RPTOR: variants seen among roughly 807,000 people sequenced by gnomAD.
RPTOR encodes regulatory-associated protein of mTOR.
RPTOR carries 21 observed loss-of-function variants against 169.9 expected under a neutral mutation model. That is an observed-to-expected ratio of 0.12 (90% CI 0.09 to 0.18). The LOEUF is 0.18. Ranked by LOEUF, RPTOR falls within the 10% of genes least tolerant of loss-of-function variation. The pLI is 1.00. For synonymous variants in RPTOR, 732 were observed against 753.2 expected (o/e 0.97, Z 0.46); for missense variants, 1,133 against 1,855.9 (o/e 0.61, Z 7.16).
chr17:80,630,758 A>G (rs1426040313), intron 2 of RPTOR, among the ~76,000 whole-genome samples: 1 of 152,244 alleles, frequency 6.6e-6, no homozygotes, highest in African/African-American at 2.4e-5. Flanking sequence ...GGGTGGGTAC[A>G]GGCAGGCCAG....
intron 11 of RPTOR, among the ~76,000 whole-genome samples, chr17:80,847,399 G>C (rs1197067341): frequency 1.3e-5 from 2 of 152,356 alleles, no homozygotes; most frequent in Admixed American, 1.3e-4. Flanking sequence ...CTTTTGTTTC[G>C]GTGAATGTGT....
chr17:80,762,114 C>A (rs1800616276), intron 6 of RPTOR, among the ~76,000 whole-genome samples: 1 of 152,146 alleles, frequency 6.6e-6, no homozygotes, highest in South Asian at 2.1e-4. Flanking sequence ...TTGACATATA[C>A]TCAATTAAGA....
intron 13 of RPTOR, among the ~76,000 whole-genome samples, chr17:80,875,106 G>T (rs948811808): frequency 6.6e-6 from 1 of 152,218 alleles, no homozygotes; most frequent in Non-Finnish European, 1.5e-5. Context: ...TAATTCTTGT[G>T]TTCCTGCTTC....
At chr17:80,600,866 G>GT in intron 1 of RPTOR, among the ~76,000 whole-genome samples, 1 of 75,684 alleles carries the variant, frequency 1.3e-5, no homozygotes, top group Non-Finnish European at 3.1e-5. Flanking sequence ...CGCCGCACGT[G>GT]CCCTCTCTGC....
rs115563657 is a variant in RPTOR at position 80,653,547 on chromosome 17, G to T, written c.348+9737G>T. Among the ~76,000 whole-genome samples, 984 of 152,338 alleles carry T rather than the reference G, an allele frequency of 6.5e-3. 16 individuals are homozygous for T. The highest frequency in any genetic ancestry group is 0.022 in the African/African-American group (931 of 41,572). ...GAGTGTATGTCGGGAGAAAGCTCCT[G>T]TCGGGGTGAGTGCAGGCAGAGTGGC... On this transcript the variant is annotated intron_variant, in intron 3 of 33. Coordinates refer to ENST00000306801, the MANE Select transcript of RPTOR (RefSeq NM_020761.3).
intron 6 of RPTOR, 108 bp from the exon 7 acceptor site, chr17:80,791,342 T>C: frequency 1.2e-6 from 1 of 837,050 alleles, no homozygotes; most frequent in Non-Finnish European, 1.9e-6. Flanking sequence ...TTGTTCACCG[T>C]GGTAGTCCCT....
intron 1 of RPTOR, among the ~76,000 whole-genome samples, chr17:80,614,698 T>G (rs2065295930): frequency 6.6e-6 from 1 of 152,222 alleles, no homozygotes; most frequent in South Asian, 2.1e-4. Context: ...AGAAACCATC[T>G]CACTGCTCAG....
intron 1 of RPTOR, among the ~76,000 whole-genome samples, chr17:80,591,310 CTTCT>C (rs1266813769): frequency 1.4e-5 from 2 of 140,758 alleles, no homozygotes; most frequent in African/African-American, 2.7e-5. Flanking sequence ...CCCTCCTCTC[CTTCT>C]TTCTTTTCTT....
At position 80,870,787 on chromosome 17, in the gene RPTOR, G is replaced by A. The variant is rs553932493; in HGVS notation, c.1510-9628G>A. 2.5e-3 allele frequency among the ~76,000 whole-genome samples: 384 copies of A among 152,304 alleles called. 1 individual carries two copies. The highest frequency in any genetic ancestry group is 8.9e-3 in the African/African-American group (368 of 41,562). On this transcript the variant is annotated intron_variant, in intron 13 of 33. Coordinates refer to ENST00000306801, the MANE Select transcript of RPTOR (RefSeq NM_020761.3). ...ACAGTTTTAGATTTACAGAAAACTG[G>A]AAAAGGTAGTAAATAGAGTTCTCAT...
chr17:80,897,485 A>G (rs1470123520), intron 20 of RPTOR, among the ~76,000 whole-genome samples: 1 of 152,060 alleles, frequency 6.6e-6, no homozygotes, highest in Non-Finnish European at 1.5e-5. Flanking sequence ...CTTTGAATGT[A>G]TTTTCTGCAT....
chr17:80,650,550 GT>G (rs2065632366), intron 3 of RPTOR, among the ~76,000 whole-genome samples: 1 of 152,198 alleles, frequency 6.6e-6, no homozygotes. Context: ...ATGCGAACTG[GT>G]TTAGTTCTGG....
At chr17:80,881,344 A>G (rs1231278564) in intron 14 of RPTOR, among the ~76,000 whole-genome samples, 1 of 152,268 alleles carries the variant, frequency 6.6e-6, no homozygotes, top group Non-Finnish European at 1.5e-5. Context: ...GATACTTTGT[A>G]TCAGTTTTGG....
intron 3 of RPTOR, among the ~76,000 whole-genome samples, chr17:80,685,182 A>ATTCAGGGGCGCACCTCATTCGGAGTCG (rs1567856228): frequency 7.8e-6 from 1 of 127,912 alleles, no homozygotes; most frequent in African/African-American, 3.7e-5. Context: ...ATTCGGAGTC[A>ATTCAGGGGCGCACCTCATTCGGAGTCG]CCCCTCATTC....
chr17:80,931,512 C>T (rs748412189), intron 24 of RPTOR, among the ~76,000 whole-genome samples: 1 of 152,210 alleles, frequency 6.6e-6, no homozygotes, highest in Non-Finnish European at 1.5e-5. Context: ...AGGTGGGACA[C>T]GAGAAGAGCC....
chr17:80,742,615 ACATACACACG>A (rs2066493319), intron 5 of RPTOR, among the ~76,000 whole-genome samples: 2 of 151,484 alleles, frequency 1.3e-5, no homozygotes, highest in African/African-American at 2.4e-5. Context: ...GATGCCACAC[ACATACACACG>A]CACATATACA....
Position 80,923,650 on chromosome 17 carries a change from A to G in RPTOR, c.2785A>G (p.Met929Val). 6.2e-7 allele frequency: 1 copy of G among 1,606,260 alleles called. No individual in the cohort carries two copies. Among genetic ancestry groups the G allele is most frequent in the Non-Finnish European group, 8.5e-7 (1 of 1,174,788 alleles). Reference protein sequence around the residue: ...HSHQFPRTRKMFDKGPEQTAD... With the variant: ...HSHQFPRTRKVFDKGPEQTAD... ...CCACCAGTTCCCCCGGACACGGAAG[A>G]TGTTCGACAAGGGCCCAGAGCAGGT... Residue 929 changes from methionine to valine, a missense_variant, in exon 23 of 34, where the codon ATG becomes GTG. Physicochemically the swap from Met to Val is conservative, Grantham distance 21. Coordinates refer to ENST00000306801, the MANE Select transcript of RPTOR (RefSeq NM_020761.3).
At chr17:80,596,171 T>G (rs2065143179) in intron 1 of RPTOR, among the ~76,000 whole-genome samples, 1 of 145,470 alleles carries the variant, frequency 6.9e-6, no homozygotes, top group Non-Finnish European at 1.6e-5. Flanking sequence ...ACATTTTATT[T>G]TAAGAAAATT....
At chr17:80,835,495 A>G (rs1346359688) in intron 9 of RPTOR, among the ~76,000 whole-genome samples, 1 of 152,220 alleles carries the variant, frequency 6.6e-6, no homozygotes, top group African/African-American at 2.4e-5. Flanking sequence ...AAGGGAGAGT[A>G]GGGCTGAAGG....
chr17:80,800,063 G>A (rs372412065), intron 7 of RPTOR, among the ~76,000 whole-genome samples: 37 of 152,338 alleles, frequency 2.4e-4, no homozygotes, highest in East Asian at 2.3e-3. Flanking sequence ...CCCCCTGGCC[G>A]AGAGCCTCAG....
Sources: gnomAD v4.1 joint callset for allele counts (sites outside exome capture counted in the v4.1 genomes callset) on GRCh38, gnomAD v4.1.1 for gene constraint, MANE v1.5 for transcripts, NCBI Gene and HGNC (gene_info 2026-07-23, HGNC 2026-07-21) for gene names.